SLC4A10: variants seen among roughly 807,000 people sequenced by gnomAD.
The protein encoded by SLC4A10 is sodium-driven chloride bicarbonate exchanger.
A neutral mutation model predicts 137.7 loss-of-function variants in SLC4A10; 42 were observed. The ratio of observed to expected loss-of-function variants is 0.30; its 90% CI spans 0.24 to 0.39. SLC4A10 has a LOEUF of 0.39. Ranked by LOEUF, SLC4A10 falls within the 10% of genes least tolerant of loss-of-function variation. The probability of loss-of-function intolerance (pLI) is 1.00; values close to 1 mark genes in which losing one functional copy is unlikely to be tolerated. For missense variants in SLC4A10, 925 were observed against 1,355.0 expected, an observed-to-expected ratio of 0.68 and a Z score of 4.98; for synonymous variants, 474 against 464.1, an observed-to-expected ratio of 1.02 and a Z score of -0.27.
intron 15 of SLC4A10, among the ~76,000 whole-genome samples, chr2:161,937,269 A>G (rs1305857583): frequency 6.6e-6 from 1 of 152,202 alleles, no homozygotes; most frequent in Non-Finnish European, 1.5e-5. Context: ...AGCATAATCA[A>G]TGTTAATCAC....
intron 3 of SLC4A10, among the ~76,000 whole-genome samples, chr2:161,829,578 T>C: frequency 6.6e-6 from 1 of 152,214 alleles, no homozygotes; most frequent in Middle Eastern, 3.2e-3. Context: ...TCATCTAAAT[T>C]ATTCCACTTT....
At chr2:161,932,427 A>G (rs1690568679) in intron 15 of SLC4A10, among the ~76,000 whole-genome samples, 1 of 152,188 alleles carries the variant, frequency 6.6e-6, no homozygotes, top group Non-Finnish European at 1.5e-5. Flanking sequence ...ATCAATATGG[A>G]TACATTAGAT....
At position 161,905,786 on chromosome 2, in the gene SLC4A10, T is replaced by C. The variant is rs61761953; in HGVS notation, c.1896T>C (p.Ile632=). 676 of 1,613,980 alleles carry C rather than the reference T, an allele frequency of 4.2e-4. No individual in the cohort carries two copies. The highest frequency in any genetic ancestry group is 1.1e-3 in the Admixed American group (64 of 60,020). Residue 632 remains isoleucine, a synonymous_variant, in exon 15 of 27, where the codon ATT becomes ATC. Coordinates refer to ENST00000446997, the MANE Select transcript of SLC4A10 (RefSeq NM_001178015.2). ...RFTEEAFASL[I]CIIFIYEALE... ...CTGAAGAAGCTTTTGCTTCCCTGAT[T>C]TGCATCATTTTCATTTATGAGGCCC...
chr2:161,962,222 C>T (rs1273005508), intron 21 of SLC4A10, among the ~76,000 whole-genome samples: 5 of 152,174 alleles, frequency 3.3e-5, no homozygotes, highest in African/African-American at 1.2e-4. Context: ...AAACAGATCA[C>T]AGTGTTCTCA....
chr2:161,773,010 A>T (rs1392742148), intron 2 of SLC4A10, among the ~76,000 whole-genome samples: 1 of 151,918 alleles, frequency 6.6e-6, no homozygotes, highest in East Asian at 1.9e-4. Flanking sequence ...GGAGAAAGGT[A>T]GCATTATTGA....
intron 1 of SLC4A10, chr2:161,710,854 G>A: frequency 7.4e-6 from 2 of 272,084 alleles, no homozygotes; most frequent in South Asian, 3.6e-5. Context: ...TATGAGGAAT[G>A]CAGAAAAGAA....
At chr2:161,778,833 A>G (rs770964214) in intron 2 of SLC4A10, among the ~76,000 whole-genome samples, 2 of 151,962 alleles carry the variant, frequency 1.3e-5, no homozygotes, top group Non-Finnish European at 2.9e-5. Context: ...CTTAGTGGAG[A>G]AAATAATGCC....
At chr2:161,717,296 T>C (rs2045035985) in intron 1 of SLC4A10, among the ~76,000 whole-genome samples, 2 of 152,204 alleles carry the variant, frequency 1.3e-5, no homozygotes, top group South Asian at 2.1e-4. Flanking sequence ...TATTTCTCTT[T>C]GCCTGATTGC....
intron 25 of SLC4A10, chr2:161,977,257 AT>A: frequency 2.9e-6 from 1 of 343,984 alleles, no homozygotes; most frequent in Admixed American, 3.0e-5. Flanking sequence ...TGTATTTTAT[AT>A]TTATATTTTA....
At position 161,836,538 on chromosome 2, in the gene SLC4A10, A is replaced by G. The variant is rs56769441; in HGVS notation, c.278-3251A>G. On this transcript the variant is annotated intron_variant, in intron 3 of 26. Coordinates refer to ENST00000446997, the MANE Select transcript of SLC4A10 (RefSeq NM_001178015.2). ...AAAGAAAGAGAGAGAGAGAGAAAGA[A>G]AGAAAGAAAGAAAGAAAGAAAGAAA... 3.6e-3 allele frequency among the ~76,000 whole-genome samples: 38 copies of G among 10,564 alleles called. 1 individual carries two copies. The East Asian group carries it at 0.13, about 35-fold the overall frequency. The allele number at this position is 10,564 out of a possible 152,430, so 6.9% of individuals were successfully genotyped here. A position where few individuals can be genotyped will look rare whatever the true frequency, so the allele number is the denominator to read the frequency against.
At chr2:161,964,457 T>C in intron 22 of SLC4A10, 149 bp downstream of exon 22, 1 of 824,266 alleles carries the variant, frequency 1.2e-6, no homozygotes, top group Non-Finnish European at 1.9e-6. Context: ...GTGACTAAGA[T>C]AGGGTTTAAG....
intron 15 of SLC4A10, among the ~76,000 whole-genome samples, chr2:161,934,685 T>C (rs1224368753): frequency 1.3e-5 from 2 of 152,200 alleles, no homozygotes; most frequent in African/African-American, 2.4e-5. Context: ...TTTGCATTTC[T>C]CTGATCATTG....
At chr2:161,674,841 A>C (rs945123804) in intron 1 of SLC4A10, among the ~76,000 whole-genome samples, 5 of 152,224 alleles carry the variant, frequency 3.3e-5, no homozygotes, top group Admixed American at 6.5e-5. Flanking sequence ...TAAAGAGCTT[A>C]CATTCTAGTC....
chr2:161,794,750 T>C (rs890907838), intron 2 of SLC4A10, among the ~76,000 whole-genome samples: 1 of 152,112 alleles, frequency 6.6e-6, no homozygotes, highest in Non-Finnish European at 1.5e-5. Flanking sequence ...GCCTCCTCAA[T>C]AGCCTTAATT....
intron 15 of SLC4A10, among the ~76,000 whole-genome samples, chr2:161,938,555 A>C (rs1262766821): frequency 6.6e-6 from 1 of 151,376 alleles, no homozygotes; most frequent in Non-Finnish European, 1.5e-5. Flanking sequence ...GATAATAATA[A>C]TCTATAACCT....
intron 22 of SLC4A10, 73 bp downstream of exon 22, chr2:161,964,381 T>C: frequency 2.7e-6 from 4 of 1,457,810 alleles, no homozygotes; most frequent in Non-Finnish European, 3.8e-6. Flanking sequence ...AACACATGAA[T>C]TGAAACTGGA....
intron 1 of SLC4A10, among the ~76,000 whole-genome samples, chr2:161,711,521 G>C (rs1302656990): frequency 6.6e-6 from 1 of 151,754 alleles, no homozygotes; most frequent in Non-Finnish European, 1.5e-5. Flanking sequence ...TGAACAGTCA[G>C]GCATTACTCT....
chr2:161,748,257 T>G (rs1309986447), intron 1 of SLC4A10, among the ~76,000 whole-genome samples: 2 of 152,148 alleles, frequency 1.3e-5, no homozygotes, highest in Non-Finnish European at 2.9e-5. Flanking sequence ...TCCTTTGCTG[T>G]GCAGAAACTT....
chr2:161,773,993 A>G (rs955312699), intron 2 of SLC4A10, among the ~76,000 whole-genome samples: 30 of 151,436 alleles, frequency 2.0e-4, no homozygotes, highest in African/African-American at 6.5e-4. Context: ...CCACTGCTCT[A>G]CTTCCCTCTC....
Sources: gnomAD v4.1 joint callset for allele counts (sites outside exome capture counted in the v4.1 genomes callset) on GRCh38, gnomAD v4.1.1 for gene constraint, MANE v1.5 for transcripts, NCBI Gene and HGNC (gene_info 2026-07-23, HGNC 2026-07-21) for gene names.